The following NRAP variants were observed in gnomAD, a reference collection of about 807,000 sequenced individuals.
NRAP encodes the protein nebulin related anchoring protein.
Under a neutral mutation model 225.9 loss-of-function variants are expected in NRAP, and 189 were observed. That is an observed-to-expected ratio of 0.84 (90% CI 0.74 to 0.94). The LOEUF (loss-of-function observed/expected upper bound fraction) is 0.94. Ranked by LOEUF, NRAP falls within the 40% of genes least tolerant of loss-of-function variation. The pLI is 0.00. For missense variants in NRAP, 2,176 were observed against 2,168.7 expected (o/e 1.00, Z -0.07); for synonymous variants, 769 against 790.7 (o/e 0.97, Z 0.46).
chr10:113,647,524 G>GGTGGTACTGCCTCCCCCA (rs1564752499), intron 9 of NRAP, among the ~76,000 whole-genome samples: 3 of 35,044 alleles, frequency 8.6e-5, no homozygotes, highest in Admixed American at 4.2e-4. Flanking sequence ...TGTCTCCCCC[G>GGTGGTACTGCCTCCCCCA]GTGGTACTGT....
At chr10:113,600,942 A>T (rs962533670) in intron 35 of NRAP, among the ~76,000 whole-genome samples, 6 of 152,218 alleles carry the variant, frequency 3.9e-5, no homozygotes, top group Non-Finnish European at 1.5e-5. Context: ...CTGAGTCCCG[A>T]GAGCTTAAGG....
At chr10:113,596,073 G>C (rs1191660988) in intron 37 of NRAP, among the ~76,000 whole-genome samples, 1 of 152,162 alleles carries the variant, frequency 6.6e-6, no homozygotes, top group East Asian at 1.9e-4. Context: ...TTGAGCATTG[G>C]ACATGCTTTT....
chr10:113,641,432 C>T lies in NRAP; in HGVS notation c.1256G>A (p.Arg419His), dbSNP rs138124439. The T allele has an allele frequency of 5.6e-5, 91 of 1,613,706 alleles. No individual in the cohort carries two copies. Among genetic ancestry groups the T allele is most frequent in the Middle Eastern group, 1.6e-4 (1 of 6,082 alleles). ...KENYQNHMRGRYEGVGMDRRT... is the reference protein window; with the variant it reads ...KENYQNHMRGHYEGVGMDRRT... The stretch of plus-strand genomic sequence containing the variant: ...TCTGTCCATACCAACTCCTTCATAG[C>T]GGCCTCTCATGTGGTTCTGGTAGTT... Residue 419 changes from arginine (R) to histidine (H), a missense_variant, in exon 13 of 42, where the codon CGC (arginine) becomes CAC (histidine). Arg to His is a conservative substitution (Grantham distance 29, BLOSUM62 0). This residue lies in a region of NRAP where 1,708 missense variants were observed against 1,695.5 expected (regional missense o/e 1.01). Transcript: ENST00000359988.
At chr10:113,655,069 G>C (rs1223013674) in intron 4 of NRAP, among the ~76,000 whole-genome samples, 1 of 152,160 alleles carries the variant, frequency 6.6e-6, no homozygotes. Flanking sequence ...GATCCAGAAA[G>C]ACAGATTATT....
rs553738713 is a variant in NRAP at position 113,625,240 on chromosome 10, T to G, written c.2245-310A>C. ...CTGCAAGCTGTTGCTATTTACACTGTCTGTGGCCAAAAAAATACCCCACCA... is the reference window on the plus strand; with the variant it reads ...CTGCAAGCTGTTGCTATTTACACTGGCTGTGGCCAAAAAAATACCCCACCA... On this transcript the variant is annotated intron_variant, in intron 21 of 41. Transcript: ENST00000359988. Among the ~76,000 whole-genome samples, 293 of 152,240 alleles carry G rather than the reference T, an allele frequency of 1.9e-3. 2 individuals carry two copies. Among genetic ancestry groups the G allele is most frequent in the African/African-American group, 6.8e-3 (284 of 41,550 alleles).
In NRAP at chr10:113,646,998, C is replaced by T. The variant is rs1849551723; in HGVS notation, c.918G>A (p.Arg306=). The T allele has an allele frequency of 6.2e-7, 1 of 1,613,876 alleles. No individual in the cohort carries two copies. The highest frequency in any genetic ancestry group is 1.3e-5 in the African/African-American group (1 of 74,896). ...TCATAGCTGGGAAGCTGCCCTTTCC[C>T]CTGTGCTCCTCATACTCCTCCGGGT... ...QGYPEEYEEH[R]GKGSFPAMIT... The change falls in exon 10 of 42, where the codon AGG becomes AGA. Residue 306 remains arginine, a synonymous_variant. Coordinates refer to ENST00000359988, the MANE Select transcript of NRAP (RefSeq NM_198060.4).
At chr10:113,615,676 C>T (rs762928009) in intron 27 of NRAP, 36 bp downstream of exon 27, 18 of 1,182,712 alleles carry the variant, frequency 1.5e-5, no homozygotes, top group African/African-American at 4.5e-5. Flanking sequence ...CCCGCTCTCC[C>T]GTCATTAAAA....
In NRAP at chr10:113,642,772, A is replaced by G. The variant is rs540867714; in HGVS notation, c.1215+162T>C. Among the ~76,000 whole-genome samples the G allele has an allele frequency of 5.9e-5, 9 of 152,336 alleles. No homozygotes were observed. In the South Asian group the frequency reaches 1.9e-3, roughly 32 times the overall value. ...GACAGAATTGAACACTATGAGGACC[A>G]ATCCCAGCAGGCAACCTTAACCAAA... On this transcript the variant is annotated intron_variant, in intron 12 of 41. Coordinates refer to ENST00000359988, the MANE Select transcript of NRAP (RefSeq NM_198060.4).
In NRAP at chr10:113,660,275, A is replaced by G. The variant is rs1034576352; in HGVS notation, c.255+2404T>C. 3.0e-4 allele frequency among the ~76,000 whole-genome samples: 45 copies of G among 152,072 alleles called. 1 individual carries two copies. Among genetic ancestry groups the G allele is most frequent in the Non-Finnish European group, 1.0e-4 (7 of 68,014 alleles). On this transcript the variant is annotated intron_variant, in intron 3 of 41. Transcript: ENST00000359988. ...AATACACATGAACATGTGCACACAC[A>G]TACTCATGCACACACATCACATACA...
At position 113,631,555 on chromosome 10, in the gene NRAP, T is replaced by A. The variant is rs983321825; in HGVS notation, c.1796A>T (p.Asp599Val). 2 of 1,613,302 alleles carry A rather than the reference T, an allele frequency of 1.2e-6. No individual in the cohort carries two copies. Among genetic ancestry groups the A allele is most frequent in the African/African-American group, 2.7e-5 (2 of 74,846 alleles). Residue 599 changes from aspartate to valine, a missense_variant, in exon 18 of 42, where the codon GAC (aspartate) becomes GTC (valine). Around this residue, in one of 3 missense-constraint regions of NRAP, gnomAD observed 1,708 missense variants for 1,695.5 expected, o/e 1.01. Coordinates refer to ENST00000359988, the MANE Select transcript of NRAP (RefSeq NM_198060.4). ...KTKGKAMGTA[D>V]SRLLHSLQIA... ...CTGCAGGGAGTGCAGAAGCCTAGAGTCGGCTGTTCCCATGGCTTTGCCTTT... is the reference window on the plus strand; with the variant it reads ...CTGCAGGGAGTGCAGAAGCCTAGAGACGGCTGTTCCCATGGCTTTGCCTTT...
Position 113,631,877 on chromosome 10 carries a change from A to G in NRAP, c.1720T>C (p.Ser574Pro), listed in dbSNP as rs1848601961. The change falls in exon 17 of 42, where the codon TCT (serine) becomes CCT (proline). Residue 574 changes from serine to proline, a missense_variant. Around this residue, in one of 3 missense-constraint regions of NRAP, gnomAD observed 1,708 missense variants for 1,695.5 expected, o/e 1.01. Coordinates refer to ENST00000359988, the MANE Select transcript of NRAP (RefSeq NM_198060.4). ...CGTACATTGCTAGCAAGCTCCCCAGAGGCTTTGGCGGCCAGCAGAGACATG... is the reference window on the plus strand; with the variant it reads ...CGTACATTGCTAGCAAGCTCCCCAGGGGCTTTGGCGGCCAGCAGAGACATG... ...DAMSLLAAKA[S>P]GELASNIKYK... 2.5e-6 allele frequency: 4 copies of G among 1,611,790 alleles called. No individual in the cohort carries two copies. Among genetic ancestry groups the G allele is most frequent in the Non-Finnish European group, 1.7e-6 (2 of 1,177,832 alleles).
intron 24 of NRAP, 123 bp from the exon 25 acceptor site, chr10:113,620,831 G>T: frequency 1.4e-6 from 1 of 699,250 alleles, no homozygotes; most frequent in Non-Finnish European, 2.5e-6. Context: ...TGCCACTTTT[G>T]TCTTATGCAT....
At position 113,650,433 on chromosome 10, in the gene NRAP, CT is replaced by C; in HGVS notation, c.783+4del. The C allele has an allele frequency of 6.2e-7, 1 of 1,600,912 alleles. No individual in the cohort carries two copies. Among genetic ancestry groups the C allele is most frequent in the Non-Finnish European group, 8.6e-7 (1 of 1,167,798 alleles). The stretch of plus-strand genomic sequence containing the variant: ...TAACATGACCACATTGTCAAGGACA[CT>C]TACATCACTTGCCAGCTCATTGGCT... On this transcript the variant is annotated splice_donor_region_variant and intron_variant, in intron 8 of 41. Transcript: ENST00000359988.
chr10:113,593,725 A>G (rs994596255), intron 38 of NRAP, among the ~76,000 whole-genome samples: 3 of 152,204 alleles, frequency 2.0e-5, no homozygotes, highest in African/African-American at 7.2e-5. Flanking sequence ...TGGCCCCACA[A>G]AGGTTAGAGT....
intron 29 of NRAP, among the ~76,000 whole-genome samples, chr10:113,613,347 G>A (rs1847445634): frequency 3.9e-5 from 6 of 152,170 alleles, no homozygotes; most frequent in Admixed American, 3.9e-4. Context: ...AGGTAGAGCT[G>A]GCTCCACGGC....
intron 9 of NRAP, among the ~76,000 whole-genome samples, chr10:113,647,578 GGTGGTACTTCCTCCCCTA>G (rs1564752700): frequency 0.021 from 713 of 33,516 alleles, 82 homozygotes; most frequent in East Asian, 0.058. Flanking sequence ...TGCCTCCCCT[GGTGGTACTTCCTCCCCTA>G]GTGGTACTGT....
chr10:113,639,129 A>T (rs958033555), intron 14 of NRAP, among the ~76,000 whole-genome samples: 1 of 146,950 alleles, frequency 6.8e-6, no homozygotes, highest in African/African-American at 2.5e-5. Flanking sequence ...TAGCTTTGGT[A>T]GTGGTCAAGT....
chr10:113,630,327 G>A (rs1229600241), intron 18 of NRAP, among the ~76,000 whole-genome samples: 4 of 152,172 alleles, frequency 2.6e-5, no homozygotes, highest in Non-Finnish European at 5.9e-5. Context: ...TGGTGATGAT[G>A]ATGATAGTGA....
intron 27 of NRAP, among the ~76,000 whole-genome samples, 177 bp downstream of exon 27, chr10:113,615,535 G>A (rs1037278377): frequency 5.3e-5 from 8 of 152,128 alleles, no homozygotes; most frequent in African/African-American, 1.9e-4. Flanking sequence ...TAATGTGCAG[G>A]GCCTAGTGCA....
Sources: gnomAD v4.1 joint callset for allele counts (sites outside exome capture counted in the v4.1 genomes callset) on GRCh38, gnomAD v4.1.1 for gene constraint, gnomAD v4.1.1 regional missense constraint, MANE v1.5 for transcripts, NCBI Gene and HGNC (gene_info 2026-07-23, HGNC 2026-07-21) for gene names.